The following PCDHGA3 variants were observed in gnomAD, a reference collection of about 807,000 sequenced individuals.
PCDHGA3 encodes protocadherin gamma subfamily A, 3.
In PCDHGA3, 40 loss-of-function variants were observed where a neutral mutation model predicts 58.5. That is an observed-to-expected ratio of 0.68 (90% CI 0.53 to 0.89). The LOEUF is 0.89. Ranked by LOEUF, PCDHGA3 falls within the 40% of genes least tolerant of loss-of-function variation. PCDHGA3 has a pLI of 0.00. For missense variants in PCDHGA3, 1,223 were observed against 1,195.9 expected, an observed-to-expected ratio of 1.02 and a Z score of -0.33; for synonymous variants, 530 against 525.7, an observed-to-expected ratio of 1.01 and a Z score of -0.11.
intron 1 of PCDHGA3, chr5:141,412,915 T>C (rs1167427710): frequency 2.0e-5 from 8 of 407,356 alleles, no homozygotes; most frequent in Non-Finnish European, 2.6e-5. Flanking sequence ...ATGTATCACT[T>C]GGGTGCAGTA....
chr5:141,370,642 A>G (rs944377529), intron 1 of PCDHGA3: 1 of 1,613,836 alleles, frequency 6.2e-7, no homozygotes, highest in Non-Finnish European at 8.5e-7. Context: ...GAAAATGGGA[A>G]CTTACTTGTG....
At chr5:141,400,116 C>T in intron 1 of PCDHGA3, 2 of 1,614,086 alleles carry the variant, frequency 1.2e-6, no homozygotes, top group Non-Finnish European at 1.7e-6. Context: ...TTGCTGACAG[C>T]TTGCAGGAGG....
intron 1 of PCDHGA3, chr5:141,388,264 A>G (rs1054125491): frequency 1.3e-6 from 2 of 1,598,302 alleles, no homozygotes; most frequent in African/African-American, 2.9e-5. Context: ...GAGGACATTA[A>G]TGACCACACG....
In PCDHGA3 at chr5:141,489,993, C is replaced by T. The variant is rs1413894892; in HGVS notation, c.2425-4814C>T. 18 of 1,614,186 alleles carry T rather than the reference C, an allele frequency of 1.1e-5. No individual in the cohort carries two copies. The highest frequency in any genetic ancestry group is 1.5e-5 in the Non-Finnish European group (18 of 1,179,990). On this transcript the variant is annotated intron_variant, in intron 1 of 3. Transcript: ENST00000253812. The surrounding 1 kb of genome is among the most constrained non-coding windows in gnomAD (Gnocchi z 4.5). ...AATCCTCAGTTCTACGTGTGGGAAT[C>T]CCAGAGAATGCACCCATTGGTACTC...
intron 1 of PCDHGA3, among the ~76,000 whole-genome samples, chr5:141,473,057 A>G (rs2099313037): frequency 2.6e-5 from 4 of 152,056 alleles, no homozygotes; most frequent in Non-Finnish European, 5.9e-5. Flanking sequence ...AAGTGATACA[A>G]CAAGTTACAG....
intron 1 of PCDHGA3, chr5:141,387,952 C>G: frequency 2.0e-6 from 3 of 1,491,568 alleles, no homozygotes; most frequent in Non-Finnish European, 2.7e-6. Flanking sequence ...TTCCTGCTGT[C>G]TTTGTTCTGC....
At chr5:141,456,051 C>T (rs1592410743) in intron 1 of PCDHGA3, among the ~76,000 whole-genome samples, 1 of 151,998 alleles carries the variant, frequency 6.6e-6, no homozygotes, top group Non-Finnish European at 1.5e-5. Context: ...GCGCCCACCA[C>T]CACGTCCGGC....
In PCDHGA3 at chr5:141,398,664, A is replaced by G. The variant is rs762356100; in HGVS notation, c.2424+52207A>G. The G allele has an allele frequency of 4.3e-6, 7 of 1,612,604 alleles. No individual in the cohort carries two copies. In the East Asian group the frequency reaches 8.9e-5, roughly 21 times the overall value. ...AACTCTCTCTTAACCCAAGTTTCTC[A>G]TTAATAATTAAGGAGAAACAGGATG... On this transcript the variant is annotated intron_variant, in intron 1 of 3. Transcript: ENST00000253812.
intron 1 of PCDHGA3, among the ~76,000 whole-genome samples, chr5:141,455,860 A>T (rs1032468147): frequency 1.4e-5 from 2 of 139,848 alleles, no homozygotes; most frequent in South Asian, 2.3e-4. Context: ...AATTTCTTTT[A>T]TTATTTATTT....
chr5:141,377,221 G>GT (rs1773788570), intron 1 of PCDHGA3: 1 of 152,014 alleles, frequency 6.6e-6, no homozygotes, highest in South Asian at 2.1e-4. Context: ...CGTTTCTTAG[G>GT]TTTTTTCCTA....
At chr5:141,468,853 G>C (rs893773356) in intron 1 of PCDHGA3, among the ~76,000 whole-genome samples, 5 of 150,898 alleles carry the variant, frequency 3.3e-5, no homozygotes, top group Non-Finnish European at 7.4e-5. Flanking sequence ...GCAACAGAGC[G>C]AGACTCCATC....
intron 1 of PCDHGA3, chr5:141,350,921 G>A (rs750148663): frequency 4.1e-5 from 66 of 1,613,946 alleles, no homozygotes; most frequent in Non-Finnish European, 5.3e-5. Flanking sequence ...GCCTCTAAGC[G>A]GCACCACCCA....
chr5:141,350,114 C>G, intron 1 of PCDHGA3: 1 of 569,488 alleles, frequency 1.8e-6, no homozygotes. Flanking sequence ...CCTGCTTTGT[C>G]CGGTGCACTG....
At chr5:141,405,032 G>A (rs747720731) in intron 1 of PCDHGA3, 25 of 1,613,806 alleles carry the variant, frequency 1.5e-5, no homozygotes, top group African/African-American at 6.7e-5. Context: ...CCTCTACCTC[G>A]TTGTGGCTGT....
At chr5:141,418,124 C>G (rs762154093) in intron 1 of PCDHGA3, 1 of 1,613,836 alleles carries the variant, frequency 6.2e-7, no homozygotes, top group African/African-American at 1.3e-5. Context: ...TGTGAAGGAC[C>G]GAATAGACCG....
intron 1 of PCDHGA3, among the ~76,000 whole-genome samples, chr5:141,373,609 A>G (rs566827138): frequency 6.6e-6 from 1 of 152,384 alleles, no homozygotes; most frequent in South Asian, 2.1e-4. Context: ...TTCAAAATTT[A>G]CAGAAGATTG....
intron 2 of PCDHGA3, among the ~76,000 whole-genome samples, chr5:141,504,253 G>A (rs1036263329): frequency 6.6e-6 from 1 of 152,100 alleles, no homozygotes; most frequent in Non-Finnish European, 1.5e-5. Context: ...TTCTTCTTAT[G>A]GTTTAGTATT....
intron 1 of PCDHGA3, among the ~76,000 whole-genome samples, chr5:141,473,404 T>A (rs953797915): frequency 6.6e-6 from 1 of 152,226 alleles, no homozygotes; most frequent in Non-Finnish European, 1.5e-5. Flanking sequence ...TCTTTTTTTC[T>A]TCTTCAGTGG....
At position 141,421,932 on chromosome 5, in the gene PCDHGA3, T is replaced by C. The variant is rs747598404; in HGVS notation, c.2425-72875T>C. On this transcript the variant is annotated intron_variant, in intron 1 of 3. Transcript: ENST00000253812. The stretch of plus-strand genomic sequence containing the variant: ...TTCCCATTCGTGTGGTGGTCCTCGA[T>C]GTAAATGATCACATCCCAATGTTTA... 3 of 1,613,588 alleles carry C rather than the reference T, an allele frequency of 1.9e-6. No individual in the cohort carries two copies. The East Asian group carries it at 6.7e-5, about 36-fold the overall frequency.
Sources: allele counts gnomAD v4.1 joint callset (sites outside exome capture counted in the v4.1 genomes callset), GRCh38; gene constraint gnomAD v4.1.1; non-coding constraint Gnocchi (gnomAD v3.1); transcripts MANE v1.5; gene names NCBI Gene and HGNC (gene_info 2026-07-23, HGNC 2026-07-21).